The following TTC27 variants were observed in gnomAD, a reference collection of about 807,000 sequenced individuals.
TTC27 encodes tetratricopeptide repeat domain 27.
In TTC27, 79 loss-of-function variants were observed where a neutral mutation model predicts 115.9. That is an observed-to-expected ratio of 0.68 (90% CI 0.57 to 0.82). The LOEUF (loss-of-function observed/expected upper bound fraction) is 0.82. Among genes scored for constraint, TTC27 ranks in the 40% least tolerant of loss-of-function variants. The pLI, the probability that TTC27 is intolerant of heterozygous loss-of-function variation, is 0.00. For missense variants in TTC27, 1,054 were observed against 993.1 expected, an observed-to-expected ratio of 1.06 and a Z score of -0.82; for synonymous variants, 401 against 356.0, an observed-to-expected ratio of 1.13 and a Z score of -1.42.
intron 13 of TTC27, among the ~76,000 whole-genome samples, chr2:32,761,668 G>A (rs1311323531): frequency 6.6e-6 from 1 of 151,954 alleles, no homozygotes; most frequent in African/African-American, 2.4e-5. Context: ...TTTCATTCAA[G>A]TCTGCTCGAA....
rs1402435123 is a variant in TTC27, at chr2:32,676,885, A to C, written c.1053-1971A>C. Among the ~76,000 whole-genome samples the C allele has an allele frequency of 3.3e-5, 5 of 151,518 alleles. No individual in the cohort carries two copies. The East Asian group carries it at 9.6e-4, about 29-fold the overall frequency. ...TGGAATATTTGGAATTACATTCCAT[A>C]TATATATCCACTTATATATATTCCA... On this transcript the variant is annotated intron_variant, in intron 8 of 19. Coordinates refer to ENST00000317907, the MANE Select transcript of TTC27 (RefSeq NM_017735.5).
At chr2:32,742,744 G>C (rs1311621907) in intron 12 of TTC27, among the ~76,000 whole-genome samples, 2 of 152,178 alleles carry the variant, frequency 1.3e-5, no homozygotes, top group African/African-American at 2.4e-5. Context: ...TGAGGACGTA[G>C]AGCACCTTTC....
intron 13 of TTC27, among the ~76,000 whole-genome samples, chr2:32,764,017 C>A (rs556561462): frequency 6.6e-6 from 1 of 152,218 alleles, no homozygotes; most frequent in African/African-American, 2.4e-5. Context: ...AATGTAAAAA[C>A]CAAAGAAATT....
intron 3 of TTC27, among the ~76,000 whole-genome samples, chr2:32,635,031 C>G (rs562519992): frequency 6.6e-6 from 1 of 152,208 alleles, no homozygotes. Flanking sequence ...CTTTAAATTA[C>G]AAATACTTTA....
chr2:32,753,180 C>A (rs1451866096), intron 12 of TTC27, among the ~76,000 whole-genome samples: 2 of 152,046 alleles, frequency 1.3e-5, no homozygotes, highest in Non-Finnish European at 2.9e-5. Context: ...TTCTTCACAG[C>A]ATGATGACTA....
At chr2:32,659,762 A>G (rs974118935) in intron 5 of TTC27, among the ~76,000 whole-genome samples, 1 of 152,032 alleles carries the variant, frequency 6.6e-6, no homozygotes, top group Non-Finnish European at 1.5e-5. Context: ...GACAACATGC[A>G]GTGTTTGGTT....
At chr2:32,755,294 T>C (rs935928840) in intron 12 of TTC27, among the ~76,000 whole-genome samples, 7 of 152,120 alleles carry the variant, frequency 4.6e-5, no homozygotes, top group African/African-American at 1.4e-4. Context: ...CTGGGCACCA[T>C]TGAGCACTGA....
At chr2:32,686,955 G>A (rs1461159243) in intron 9 of TTC27, among the ~76,000 whole-genome samples, 1 of 151,756 alleles carries the variant, frequency 6.6e-6, no homozygotes, top group Non-Finnish European at 1.5e-5. Context: ...AGCAATTCCT[G>A]TGCCTCAGCC....
chr2:32,662,684 G>A (rs916446323), intron 5 of TTC27, among the ~76,000 whole-genome samples: 1 of 151,774 alleles, frequency 6.6e-6, no homozygotes, highest in East Asian at 1.9e-4. Context: ...TCTGGCTAGC[G>A]GTCTATCTAC....
chr2:32,630,119 G>T (rs184119746), intron 1 of TTC27, among the ~76,000 whole-genome samples: 24 of 152,308 alleles, frequency 1.6e-4, no homozygotes, highest in Non-Finnish European at 2.5e-4. Context: ...GTAAACCAGC[G>T]CTCTTGGAGT....
chr2:32,754,162 T>A (rs1308008851), intron 12 of TTC27, among the ~76,000 whole-genome samples: 5 of 147,544 alleles, frequency 3.4e-5, no homozygotes, highest in Admixed American at 2.0e-4. Flanking sequence ...TTTTTTTTTT[T>A]AATTGATCAT....
At chr2:32,695,100 AC>A (rs914381491) in intron 9 of TTC27, among the ~76,000 whole-genome samples, 4 of 152,206 alleles carry the variant, frequency 2.6e-5, no homozygotes, top group African/African-American at 9.6e-5. Flanking sequence ...GGCATTAAGT[AC>A]ATTCACAGTG....
At chr2:32,729,593 A>C (rs1260128977) in intron 10 of TTC27, among the ~76,000 whole-genome samples, 1 of 152,166 alleles carries the variant, frequency 6.6e-6, no homozygotes, top group Non-Finnish European at 1.5e-5. Flanking sequence ...ATTAAAAGGG[A>C]GTCTTAAAAC....
intron 8 of TTC27, among the ~76,000 whole-genome samples, chr2:32,672,819 C>T (rs1229417335): frequency 7.2e-5 from 11 of 152,042 alleles, no homozygotes; most frequent in Admixed American, 6.6e-4. Context: ...AAGGGCAGGA[C>T]AATACATATA....
At chr2:32,771,914 T>C (rs1241237852) in intron 13 of TTC27, among the ~76,000 whole-genome samples, 1 of 152,146 alleles carries the variant, frequency 6.6e-6, no homozygotes, top group Admixed American at 6.5e-5. Context: ...AGGATTAGAT[T>C]ATTCTACATT....
intron 16 of TTC27, among the ~76,000 whole-genome samples, chr2:32,807,608 A>G (rs994653356): frequency 2.6e-5 from 4 of 152,206 alleles, no homozygotes; most frequent in African/African-American, 9.6e-5. Context: ...GAAAATTAGT[A>G]TTATAGGATA....
Position 32,758,610 on chromosome 2 carries a change from A to G in TTC27, c.1680+91A>G, listed in dbSNP as rs929950098. ...GAATGAGTACCCATTTTCTAACCTGATAACTGGTGAGTTTGTTTTTGACAG... is the reference window on the plus strand; with the variant it reads ...GAATGAGTACCCATTTTCTAACCTGGTAACTGGTGAGTTTGTTTTTGACAG... On this transcript the variant is annotated intron_variant, in intron 13 of 19. Transcript: ENST00000317907. The G allele has an allele frequency of 4.7e-5, 57 of 1,200,512 alleles. No individual in the cohort carries two copies. The South Asian group carries it at 7.0e-4, about 15-fold the overall frequency. 74.4% of individuals were successfully genotyped at this position (1,200,512 alleles called of 1,614,324 possible).
At chr2:32,683,019 A>G (rs1228713969) in intron 9 of TTC27, among the ~76,000 whole-genome samples, 2 of 151,436 alleles carry the variant, frequency 1.3e-5, no homozygotes, top group East Asian at 3.9e-4. Context: ...ACACCTGGCT[A>G]ATTTTTTTGT....
intron 17 of TTC27, 32 bp from the exon 18 acceptor site, chr2:32,812,472 T>G (rs1330648724): frequency 1.9e-5 from 28 of 1,472,252 alleles, no homozygotes; most frequent in Non-Finnish European, 2.7e-5. Flanking sequence ...TTCTACTTGT[T>G]ATTCTGAATG....
Sources: gnomAD v4.1 joint callset for allele counts (sites outside exome capture counted in the v4.1 genomes callset) on GRCh38, gnomAD v4.1.1 for gene constraint, MANE v1.5 for transcripts, NCBI Gene and HGNC (gene_info 2026-07-23, HGNC 2026-07-21) for gene names.